Variants in THSD7A observed in about 807,000 individuals in gnomAD.
THSD7A encodes the protein thrombospondin type-1 domain-containing protein 7A.
In THSD7A, 96 loss-of-function variants were observed where a neutral mutation model predicts 231.3. That is an observed-to-expected ratio of 0.41 (90% confidence interval 0.35 to 0.49). The LOEUF is 0.49. THSD7A is among the 20% of genes least tolerant of loss of function. The pLI is 0.05. For missense variants in THSD7A, 2,290 were observed against 2,070.2 expected, an observed-to-expected ratio of 1.11 and a Z score of -2.06; for synonymous variants, 940 against 743.3, an observed-to-expected ratio of 1.26 and a Z score of -4.30.
At chr7:11,713,441 C>G (rs1781029965) in intron 1 of THSD7A, among the ~76,000 whole-genome samples, 1 of 151,136 alleles carries the variant, frequency 6.6e-6, no homozygotes, top group Non-Finnish European at 1.5e-5. Flanking sequence ...AAATAAGACT[C>G]CCTGCTCATG....
chr7:11,649,966 G>A (rs775840805), intron 1 of THSD7A, among the ~76,000 whole-genome samples: 4 of 151,990 alleles, frequency 2.6e-5, no homozygotes, highest in Non-Finnish European at 4.4e-5. Context: ...TTTGACAAAC[G>A]GCAGAAGTGT....
rs1269490886 is a variant in THSD7A, at chr7:11,374,744, C to A, written c.*1050G>T. 6.6e-6 allele frequency: 1 copy of A among 151,928 alleles called. No individual in the cohort carries two copies. Among genetic ancestry groups the A allele is most frequent in the East Asian group, 1.9e-4 (1 of 5,178 alleles). The allele number at this position is 151,928 out of a possible 1,614,324, so 9.4% of individuals were successfully genotyped here. A position where few individuals can be genotyped will look rare whatever the true frequency, so the allele number is the denominator to read the frequency against. ...TAGAGGGTTAAGGGGTTAGGGACTT[C>A]AACACTTAAATTACCGCCATGTTGT... On this transcript the variant is annotated 3_prime_UTR_variant, in exon 28 of 28. Coordinates refer to ENST00000423059, the MANE Select transcript of THSD7A (RefSeq NM_015204.3).
intron 6 of THSD7A, among the ~76,000 whole-genome samples, chr7:11,517,054 A>G (rs575711679): frequency 6.6e-6 from 1 of 152,338 alleles, no homozygotes; most frequent in East Asian, 1.9e-4. Context: ...TTTAAGCAAG[A>G]GAACATATAA....
intron 6 of THSD7A, among the ~76,000 whole-genome samples, chr7:11,501,848 G>T (rs1352585807): frequency 9.2e-5 from 14 of 152,030 alleles, no homozygotes; most frequent in African/African-American, 3.4e-4. Context: ...CCAGCAGTTT[G>T]TTTTTTTGAA....
At position 11,592,139 on chromosome 7, in the gene THSD7A, A is replaced by G. The variant is rs907324528; in HGVS notation, c.1271+1115T>C. Among the ~76,000 whole-genome samples the G allele has an allele frequency of 2.4e-4, 36 of 152,190 alleles. 1 individual carries two copies. Among genetic ancestry groups the G allele is most frequent in the Admixed American group, 1.4e-3 (21 of 15,286 alleles). ...TATGTGGGGAGGAACCAGAACAATC[A>G]GTGGGATAGGCAGAGACATTGGGGA... is the stretch of plus-strand genomic sequence containing the variant. On this transcript the variant is annotated intron_variant, in intron 3 of 27. Coordinates refer to ENST00000423059, the MANE Select transcript of THSD7A (RefSeq NM_015204.3).
intron 2 of THSD7A, among the ~76,000 whole-genome samples, chr7:11,603,794 C>T (rs1455118560): frequency 3.4e-4 from 50 of 149,058 alleles, no homozygotes; most frequent in African/African-American, 9.9e-4. Flanking sequence ...AACCAAACAC[C>T]GCATATTCTC....
At position 11,546,223 on chromosome 7, in the gene THSD7A, C is replaced by CACAA. The variant is rs1554335299; in HGVS notation, c.1454-3107_1454-3106insTTGT. On this transcript the variant is annotated intron_variant, in intron 4 of 27. Coordinates refer to ENST00000423059, the MANE Select transcript of THSD7A (RefSeq NM_015204.3). ...GCGCGCTCACACACACACACACACA[C>CACAA]ACACACACGTGGACCCTGCCACACT... Among the ~76,000 whole-genome samples, 321 of 148,822 alleles carry CACAA rather than the reference C, an allele frequency of 2.2e-3. 2 individuals are homozygous for CACAA. Among genetic ancestry groups the CACAA allele is most frequent in the African/African-American group, 7.2e-3 (291 of 40,272 alleles).
At chr7:11,725,646 A>C (rs1409356316) in intron 1 of THSD7A, among the ~76,000 whole-genome samples, 1 of 152,026 alleles carries the variant, frequency 6.6e-6, no homozygotes, top group Admixed American at 6.6e-5. Context: ...TTTTAAATAG[A>C]CTTATATTGG....
At chr7:11,679,050 A>G (rs1584197964) in intron 1 of THSD7A, among the ~76,000 whole-genome samples, 1 of 152,216 alleles carries the variant, frequency 6.6e-6, no homozygotes, top group African/African-American at 2.4e-5. Context: ...CAACATATGC[A>G]AATCAATAAA....
chr7:11,406,769 G>T lies in THSD7A; in HGVS notation c.4062+141C>A. ...AAACTAATTAAATGGTTATAAAATG[G>T]CAAGTACATACAAATTTTAAGAAGC... On this transcript the variant is annotated intron_variant, in intron 21 of 27. Coordinates refer to ENST00000423059, the MANE Select transcript of THSD7A (RefSeq NM_015204.3). This position sits in a 1 kb window ranked among gnomAD's most constrained non-coding sequence, Gnocchi z 4.7. The T allele has an allele frequency of 4.8e-6, 5 of 1,045,498 alleles. No individual in the cohort carries two copies. The highest frequency in any genetic ancestry group is 5.4e-6 in the Non-Finnish European group (4 of 743,580). The allele number at this position is 1,045,498 out of a possible 1,614,324, so 64.8% of individuals were successfully genotyped here. A position where few individuals can be genotyped will look rare whatever the true frequency, so the allele number is the denominator to read the frequency against.
At chr7:11,408,211 G>A (rs1394706590) in intron 19 of THSD7A, among the ~76,000 whole-genome samples, 1 of 152,106 alleles carries the variant, frequency 6.6e-6, no homozygotes, top group Non-Finnish European at 1.5e-5. Flanking sequence ...AAGTAGTATT[G>A]AAATAGGAAA....
chr7:11,753,745 G>A (rs984354968), intron 1 of THSD7A, among the ~76,000 whole-genome samples: 2 of 151,786 alleles, frequency 1.3e-5, no homozygotes, highest in Non-Finnish European at 2.9e-5. Flanking sequence ...TAATGCACTT[G>A]CTAAATTCCT....
At chr7:11,399,334 A>G (rs1005736699) in intron 23 of THSD7A, among the ~76,000 whole-genome samples, 1 of 151,952 alleles carries the variant, frequency 6.6e-6, no homozygotes. Flanking sequence ...ATTATATTCT[A>G]TTTTTCTAAA....
chr7:11,616,806 C>T (rs893159581), intron 2 of THSD7A, among the ~76,000 whole-genome samples: 2 of 151,998 alleles, frequency 1.3e-5, no homozygotes, highest in African/African-American at 2.4e-5. Flanking sequence ...CCTTATTCTA[C>T]TCAGAAAAAA....
chr7:11,507,172 T>G (rs184562149), intron 6 of THSD7A, among the ~76,000 whole-genome samples: 60 of 152,328 alleles, frequency 3.9e-4, no homozygotes, highest in Admixed American at 7.8e-4. Flanking sequence ...AAGAGCAATT[T>G]AGAAGAGCTC....
intron 1 of THSD7A, among the ~76,000 whole-genome samples, chr7:11,639,432 G>A (rs1781992264): frequency 6.6e-6 from 1 of 152,124 alleles, no homozygotes; most frequent in African/African-American, 2.4e-5. Flanking sequence ...CACTTTGGGA[G>A]GCCGAGGCGG....
chr7:11,514,406 T>C (rs1412347037), intron 6 of THSD7A, among the ~76,000 whole-genome samples: 1 of 152,130 alleles, frequency 6.6e-6, no homozygotes, highest in South Asian at 2.1e-4. Flanking sequence ...ATTTTGTATA[T>C]AAAGTTCCAA....
chr7:11,812,159 T>C (rs1041024777), intron 1 of THSD7A, among the ~76,000 whole-genome samples: 1 of 146,934 alleles, frequency 6.8e-6, no homozygotes, highest in East Asian at 2.0e-4. Context: ...GAGAGAGAGA[T>C]ATGGGGAGAG....
chr7:11,490,020 A>G (rs1786821786), intron 6 of THSD7A, among the ~76,000 whole-genome samples: 2 of 152,106 alleles, frequency 1.3e-5, no homozygotes, highest in African/African-American at 4.8e-5. Context: ...AAGTTTGCCT[A>G]TGTTTCCACT....
Sources: allele counts gnomAD v4.1 joint callset (sites outside exome capture counted in the v4.1 genomes callset), GRCh38; gene constraint gnomAD v4.1.1; non-coding constraint Gnocchi (gnomAD v3.1); transcripts MANE v1.5; gene names NCBI Gene and HGNC (gene_info 2026-07-23, HGNC 2026-07-21).